Variants in PRAMEF1 observed in about 807,000 individuals in gnomAD.
PRAMEF1 encodes the protein PRAME family member 1.
Under a neutral mutation model 38.2 loss-of-function variants are expected in PRAMEF1, and 21 were observed. The ratio of observed to expected loss-of-function variants is 0.55; its 90% CI spans 0.39 to 0.79. The LOEUF is 0.79. Among genes scored for constraint, PRAMEF1 ranks in the 30% least tolerant of loss-of-function variants. PRAMEF1 has a pLI of 0.00. For missense variants in PRAMEF1, 497 were observed against 565.8 expected (o/e 0.88, Z 1.23); for synonymous variants, 200 against 229.0 (o/e 0.87, Z 1.14).
rs137989909 is a variant in PRAMEF1 at position 12,796,096 on chromosome 1, T to C, written c.*100T>C. On this transcript the variant is annotated 3_prime_UTR_variant, in exon 4 of 4. Transcript: ENST00000332296. ...GGTGCAAACTATTTTTCTCTTTTCTTATTTATTTCATTTTTTAATAATTCC... is the reference window on the plus strand; with the variant it reads ...GGTGCAAACTATTTTTCTCTTTTCTCATTTATTTCATTTTTTAATAATTCC... 1.0e-3 allele frequency: 1,386 copies of C among 1,320,498 alleles called. 117 individuals carry two copies. The East Asian group carries it at 0.031, about 30-fold the overall frequency. The allele number at this position is 1,320,498 out of a possible 1,614,324, so 81.8% of individuals were successfully genotyped here.
rs1323209167 is a variant in PRAMEF1 at position 12,794,016 on chromosome 1, G to A, written c.389G>A (p.Ser130Asn). 6.2e-7 allele frequency: 1 copy of A among 1,608,236 alleles called. No homozygotes were observed. Among genetic ancestry groups the A allele is most frequent in the East Asian group, 2.2e-5 (1 of 44,454 alleles). ...CTGTCCTGCTTCCCAGAGACCACGA[G>A]TAAGAGGCAGACAGCAGAGGACTGT... is the stretch of plus-strand genomic sequence containing the variant. ...WALSCFPETTSKRQTAEDCPR... is the reference protein window; with the variant it reads ...WALSCFPETTNKRQTAEDCPR... The change falls in exon 3 of 4, where the codon AGT becomes AAT. Residue 130 changes from serine to asparagine, a missense_variant. Physicochemically the swap from Ser to Asn is conservative, Grantham distance 46 (BLOSUM62 1). Coordinates refer to ENST00000332296, the MANE Select transcript of PRAMEF1 (RefSeq NM_023013.4).
intron 3 of PRAMEF1, among the ~76,000 whole-genome samples, chr1:12,795,205 T>C (rs944645017): frequency 3.3e-5 from 5 of 150,994 alleles, no homozygotes; most frequent in African/African-American, 1.2e-4. Flanking sequence ...AAAAAGGCTT[T>C]AGAGATTTTA....
In PRAMEF1 at chr1:12,793,656, T is replaced by G. The variant is rs61775049; in HGVS notation, c.287+142T>G. ...GAAGATCAGGGAGGCTTTGGCCATT[T>G]TCCAGATCCTCAGAGAAAGGACTGC... On this transcript the variant is annotated intron_variant, in intron 2 of 3. Transcript: ENST00000332296. The G allele has an allele frequency of 1.7e-4, 257 of 1,535,072 alleles. 12 individuals are homozygous for G. In the East Asian group the frequency reaches 1.9e-3, roughly 11 times the overall value.
rs754509301 is a variant in PRAMEF1 at position 12,795,545 on chromosome 1, T to C, written c.974T>C (p.Leu325Pro). The C allele has an allele frequency of 6.2e-7, 1 of 1,612,706 alleles. No homozygotes were observed. The highest frequency in any genetic ancestry group is 8.5e-7 in the Non-Finnish European group (1 of 1,179,754). Residue 325 changes from leucine (L) to proline (P), a missense_variant, in exon 4 of 4, where the codon CTG (leucine) becomes CCG (proline). Leu to Pro is a moderately conservative substitution (Grantham distance 98). This residue lies in a region of PRAMEF1 where 470 missense variants were observed against 501.9 expected (regional missense o/e 0.94). Coordinates refer to ENST00000332296, the MANE Select transcript of PRAMEF1 (RefSeq NM_023013.4). ...CCAAGCCTCGGTTACCTAAAGCATCTGAATCTCAGCTACGTGCTGCTGTTC... is the reference window on the plus strand; with the variant it reads ...CCAAGCCTCGGTTACCTAAAGCATCCGAATCTCAGCTACGTGCTGCTGTTC... ...QYPSLGYLKH[L>P]NLSYVLLFRI...
intron 2 of PRAMEF1, 133 bp from the exon 3 acceptor site, chr1:12,793,782 C>A (rs4989044): frequency 7.1e-6 from 10 of 1,417,134 alleles, no homozygotes; most frequent in South Asian, 4.1e-5. Flanking sequence ...CAAAAGGGAA[C>A]AGGGATTGAG....
In PRAMEF1 at chr1:12,796,377, C is replaced by T. The variant is rs1330505399; in HGVS notation, c.*381C>T. ...GACATCAGTGAGAACTTCAGGGACCCGTGTCCTAGAGTCGGAAAGAGAAGC... is the reference window on the plus strand; with the variant it reads ...GACATCAGTGAGAACTTCAGGGACCTGTGTCCTAGAGTCGGAAAGAGAAGC... On this transcript the variant is annotated 3_prime_UTR_variant, in exon 4 of 4. Transcript: ENST00000332296. 3 of 262,070 alleles carry T rather than the reference C, an allele frequency of 1.1e-5. No homozygotes were observed. The highest frequency in any genetic ancestry group is 9.7e-5 in the East Asian group (1 of 10,266). The allele number at this position is 262,070 out of a possible 1,614,324, so 16.2% of individuals were successfully genotyped here.
At position 12,791,483 on chromosome 1, in the gene PRAMEF1, C is replaced by A. The variant is rs1236998494; in HGVS notation, c.-26+9C>A. 6.8e-6 allele frequency: 1 copy of A among 147,392 alleles called. No individual in the cohort carries two copies. Among genetic ancestry groups the A allele is most frequent in the Non-Finnish European group, 1.5e-5 (1 of 66,158 alleles). The allele number at this position is 147,392 out of a possible 1,614,324, so 9.1% of individuals were successfully genotyped here. On this transcript the variant is annotated intron_variant, in intron 1 of 3. Transcript: ENST00000332296. The stretch of plus-strand genomic sequence containing the variant: ...AAGTGAGTCCAGCGCTGGTAAGTCA[C>A]CACCTGCTTAGGGTCATGCCCATCT...
At position 12,796,283 on chromosome 1, in the gene PRAMEF1, C is replaced by T; in HGVS notation, c.*287C>T. 1 of 512,672 alleles carries T rather than the reference C, an allele frequency of 2.0e-6. No individual in the cohort carries two copies. Among genetic ancestry groups the T allele is most frequent in the East Asian group, 4.1e-5 (1 of 24,272 alleles). 31.8% of individuals were successfully genotyped at this position (512,672 alleles called of 1,614,324 possible). A position where few individuals can be genotyped will look rare whatever the true frequency, so the allele number is the denominator to read the frequency against. Reference sequence around the variant, plus strand: ...GGCCACATGCAACTTAAAGGAAGCACAGGCAAGTGTTCAGTGTGAGGGAAA... The same window carrying T: ...GGCCACATGCAACTTAAAGGAAGCATAGGCAAGTGTTCAGTGTGAGGGAAA... On this transcript the variant is annotated 3_prime_UTR_variant, in exon 4 of 4. Transcript: ENST00000332296.
Position 12,793,329 on chromosome 1 carries a change from G to C in PRAMEF1, c.102G>C (p.Val34=), listed in dbSNP as rs1249013526. 4.4e-6 allele frequency: 7 copies of C among 1,609,096 alleles called. No homozygotes were observed. The highest frequency in any genetic ancestry group is 5.1e-6 in the Non-Finnish European group (6 of 1,177,808). The change falls in exon 2 of 4, where the codon GTG becomes GTC. Residue 34 remains valine, a synonymous_variant. Transcript: ENST00000332296. ...SISAMEELPR[V]LYLPLFMEAF... is the part of the protein sequence containing the mutation. ...CTGCCATGGAGGAGCTGCCCAGGGT[G>C]CTCTATCTCCCACTCTTCATGGAGG...
At position 12,796,146 on chromosome 1, in the gene PRAMEF1, A is replaced by T. The variant is rs146341707; in HGVS notation, c.*150A>T. ...CAAAATTTTTATTAAAGACAATTTG[A>T]GACAGGGTTTCGCTGTGTTGCTCCA... On this transcript the variant is annotated 3_prime_UTR_variant, in exon 4 of 4. Coordinates refer to ENST00000332296, the MANE Select transcript of PRAMEF1 (RefSeq NM_023013.4). The T allele has an allele frequency of 6.9e-5, 91 of 1,314,868 alleles. 5 individuals are homozygous for T. In the East Asian group the frequency reaches 2.3e-3, roughly 33 times the overall value. 81.5% of individuals were successfully genotyped at this position (1,314,868 alleles called of 1,614,324 possible). A position where few individuals can be genotyped will look rare whatever the true frequency, so the allele number is the denominator to read the frequency against.
At chr1:12,791,822 C>T (rs1187158785) in intron 1 of PRAMEF1, among the ~76,000 whole-genome samples, 1 of 150,254 alleles carries the variant, frequency 6.7e-6, no homozygotes, top group African/African-American at 2.4e-5. Flanking sequence ...TCCAAGTATG[C>T]TTTCATTTTC....
Position 12,795,924 on chromosome 1 carries a change from C to T in PRAMEF1, c.1353C>T (p.Phe451=). 1 of 1,611,020 alleles carries T rather than the reference C, an allele frequency of 6.2e-7. No homozygotes were observed. The highest frequency in any genetic ancestry group is 8.5e-7 in the Non-Finnish European group (1 of 1,179,676). The change falls in exon 4 of 4, where the codon TTC becomes TTT. Residue 451 remains phenylalanine (F), a synonymous_variant. Transcript: ENST00000332296. ...AAGTCAGGCAGCCCAAGAGGATCTT[C>T]ATTGGCCCCACCCCCTGCCCTTCCT... is the stretch of plus-strand genomic sequence containing the variant. ...LREVRQPKRI[F]IGPTPCPSCG... is the part of the protein sequence containing the mutation.
chr1:12,793,487 T>C lies in PRAMEF1; in HGVS notation c.260T>C (p.Met87Thr), dbSNP rs1249388982. Reference protein sequence around the residue: ...TLKALLEGLHMLLTQKDRPRR... With the variant: ...TLKALLEGLHTLLTQKDRPRR... ...AAAGCATTGCTGGAAGGGCTTCATATGCTGCTTACACAGAAGGATCGCCCC... is the reference window on the plus strand; with the variant it reads ...AAAGCATTGCTGGAAGGGCTTCATACGCTGCTTACACAGAAGGATCGCCCC... Residue 87 changes from methionine to threonine, a missense_variant, in exon 2 of 4, where the codon ATG becomes ACG. This residue lies in a region of PRAMEF1 where 470 missense variants were observed against 501.9 expected (regional missense o/e 0.94). Coordinates refer to ENST00000332296, the MANE Select transcript of PRAMEF1 (RefSeq NM_023013.4). 3 of 1,608,728 alleles carry C rather than the reference T, an allele frequency of 1.9e-6. No individual in the cohort carries two copies. Among genetic ancestry groups the C allele is most frequent in the Middle Eastern group, 1.9e-4 (1 of 5,140 alleles).
In PRAMEF1 at chr1:12,794,138, G is replaced by C; in HGVS notation, c.511G>C (p.Val171Leu). 6.2e-7 allele frequency: 1 copy of C among 1,610,732 alleles called. No individual in the cohort carries two copies. Among genetic ancestry groups the C allele is most frequent in the Non-Finnish European group, 8.5e-7 (1 of 1,178,752 alleles). ...DECLRYLFQW[V>L]YQRRGLVHLC... Reference sequence around the variant, plus strand: ...ATGCCTGAGATACCTCTTCCAGTGGGTTTACCAAAGGAGAGGTTTAGTACA... The same window carrying C: ...ATGCCTGAGATACCTCTTCCAGTGGCTTTACCAAAGGAGAGGTTTAGTACA... Residue 171 changes from valine (V) to leucine (L), a missense_variant, in exon 3 of 4, where the codon GTT becomes CTT. Around this residue, in one of 2 missense-constraint regions of PRAMEF1, gnomAD observed 470 missense variants for 501.9 expected, o/e 0.94. Coordinates refer to ENST00000332296, the MANE Select transcript of PRAMEF1 (RefSeq NM_023013.4).
At chr1:12,794,979 A>G in intron 3 of PRAMEF1, 2 of 1,322,018 alleles carry the variant, frequency 1.5e-6, no homozygotes, top group South Asian at 1.2e-5. Flanking sequence ...GGTAATTGAC[A>G]TGGGAAATGC....
In PRAMEF1 at chr1:12,793,982, G is replaced by A. The variant is rs771992410; in HGVS notation, c.355G>A (p.Ala119Thr). Residue 119 changes from alanine (A) to threonine (T), a missense_variant, in exon 3 of 4, where the codon GCC becomes ACC. Transcript: ENST00000332296. The stretch of plus-strand genomic sequence containing the variant: ...GAATTTCTGGGCCAGATGGCCTGGA[G>A]CCTGGGCCCTGTCCTGCTTCCCAGA... ...DENFWARWPG[A>T]WALSCFPETT... 2 of 1,608,118 alleles carry A rather than the reference G, an allele frequency of 1.2e-6. No homozygotes were observed. Among genetic ancestry groups the A allele is most frequent in the Non-Finnish European group, 1.7e-6 (2 of 1,177,848 alleles).
rs1427712653 is a variant in PRAMEF1 at position 12,795,676 on chromosome 1, A to G, written c.1105A>G (p.Ile369Val). ...CQIHYSQLSAILPGLSRCSQL... is the reference protein window; with the variant it reads ...CQIHYSQLSAVLPGLSRCSQL... ...GATCCACTACTCCCAACTCAGTGCC[A>G]TCCTGCCTGGCCTGAGCCGCTGCTC... is the stretch of plus-strand genomic sequence containing the variant. Residue 369 changes from isoleucine to valine, a missense_variant, in exon 4 of 4, where the codon ATC (isoleucine) becomes GTC (valine). Ile to Val is a conservative substitution (Grantham distance 29, BLOSUM62 3). Coordinates refer to ENST00000332296, the MANE Select transcript of PRAMEF1 (RefSeq NM_023013.4). 4 of 1,611,226 alleles carry G rather than the reference A, an allele frequency of 2.5e-6. No individual in the cohort carries two copies. Among genetic ancestry groups the G allele is most frequent in the Non-Finnish European group, 2.5e-6 (3 of 1,179,536 alleles).
At chr1:12,793,556 C>T in intron 2 of PRAMEF1, 42 bp downstream of exon 2, 1 of 1,574,950 alleles carries the variant, frequency 6.3e-7, no homozygotes, top group Non-Finnish European at 8.7e-7. Context: ...GCTCAGGTGT[C>T]CAGGGAAAGA....
chr1:12,795,267 G>T (rs1639375080), intron 3 of PRAMEF1, among the ~76,000 whole-genome samples, 171 bp from the exon 4 acceptor site: 1 of 151,780 alleles, frequency 6.6e-6, no homozygotes, highest in South Asian at 2.1e-4. Context: ...GGCTAAAATG[G>T]GACAGCCCCT....
Sources: gnomAD v4.1 joint callset for allele counts (sites outside exome capture counted in the v4.1 genomes callset) on GRCh38, gnomAD v4.1.1 for gene constraint, gnomAD v4.1.1 regional missense constraint, MANE v1.5 for transcripts, NCBI Gene and HGNC (gene_info 2026-07-23, HGNC 2026-07-21) for gene names.